PSRC1: variants seen among roughly 807,000 people sequenced by gnomAD.
The protein encoded by PSRC1 is proline/serine-rich coiled-coil protein 1.
PSRC1 carries 30 observed loss-of-function variants against 31.9 expected under a neutral mutation model. That is an observed-to-expected ratio of 0.94 (90% CI 0.70 to 1.28). The LOEUF (loss-of-function observed/expected upper bound fraction) is 1.28, where lower values mean the gene tolerates loss of function less well. Ranked by LOEUF, PSRC1 falls within the 50% of genes most tolerant of loss-of-function variation. The probability of loss-of-function intolerance (pLI) is 0.00; values close to 1 mark genes in which losing one functional copy is unlikely to be tolerated. For missense variants in PSRC1, 481 were observed against 472.8 expected, an observed-to-expected ratio of 1.02 and a Z score of -0.16; for synonymous variants, 191 against 192.1, an observed-to-expected ratio of 0.99 and a Z score of 0.05.
chr1:109,282,810 AGGGTC>A (rs1380677712), intron 1 of PSRC1, 74 bp from the exon 2 acceptor site: 17 of 1,456,970 alleles, frequency 1.2e-5, no homozygotes, highest in Non-Finnish European at 1.6e-5. Flanking sequence ...GGTGCAAGCC[AGGGTC>A]GGGGGTCATG....
In PSRC1 at chr1:109,281,260, C is replaced by A. The variant is rs917021038; in HGVS notation, c.520-9G>T. 11 of 1,563,380 alleles carry A rather than the reference C, an allele frequency of 7.0e-6. No homozygotes were observed. The highest frequency in any genetic ancestry group is 8.7e-6 in the Non-Finnish European group (10 of 1,152,522). The stretch of plus-strand genomic sequence containing the variant: ...TTGCAAGTGGGTGACTCCTGAAACA[C>A]AAAGAGAGAGAGAAAAAAGACTAGA... On this transcript the variant is annotated splice_polypyrimidine_tract_variant and intron_variant, in intron 4 of 6. Coordinates refer to ENST00000409138, the Ensembl canonical transcript of PSRC1.
chr1:109,281,128 TCTC>T lies in PSRC1; in HGVS notation c.640_642del (p.Glu214del). ...CTCACCCGCAACTTGGCTGCTCTGGTCTCCTCACTGGCTGCTGCTCTCCCACTG... is the reference window on the plus strand; with the variant it reads ...CTCACCCGCAACTTGGCTGCTCTGGTCTCACTGGCTGCTGCTCTCCCACTG... On this transcript the variant is annotated inframe_deletion, in exon 5 of 7. Coordinates refer to ENST00000409138, the Ensembl canonical transcript of PSRC1. 6.2e-7 allele frequency: 1 copy of T among 1,613,294 alleles called. No individual in the cohort carries two copies. Among genetic ancestry groups the T allele is most frequent in the Non-Finnish European group, 8.5e-7 (1 of 1,179,880 alleles).
exon 7 of PSRC1, chr1:109,280,027 G>T (rs1656782594): frequency 1.6e-6 from 2 of 1,230,544 alleles, no homozygotes; most frequent in Non-Finnish European, 2.4e-6. Flanking sequence ...GACCAGCCCT[G>T]GTGGCATCTC....
intron 3 of PSRC1, 168 bp from the exon 4 acceptor site, chr1:109,282,228 A>C (rs945488062): frequency 1.6e-4 from 107 of 651,424 alleles, no homozygotes; most frequent in Middle Eastern, 5.9e-4. Context: ...ACCTGGTTCT[A>C]TGGGGCCTAA....
Position 109,281,198 on chromosome 1 carries a change from A to T in PSRC1, c.573T>A (p.Pro191=), listed in dbSNP as rs778681206. ...GGACTGGGGGAGTCGATCGGGTAAGAGGAGAAGATGCTGGGCTTTTGGATG... is the reference window on the plus strand; with the variant it reads ...GGACTGGGGGAGTCGATCGGGTAAGTGGAGAAGATGCTGGGCTTTTGGATG... Residue 191 remains proline, a synonymous_variant, in exon 5 of 7, where the codon CCT becomes CCA. Transcript: ENST00000409138. 5 of 1,613,188 alleles carry T rather than the reference A, an allele frequency of 3.1e-6. No homozygotes were observed. The South Asian group carries it at 5.5e-5, about 18-fold the overall frequency.
In PSRC1 at chr1:109,280,147, A is replaced by G. The variant is rs746799674; in HGVS notation, c.*6T>C. The G allele has an allele frequency of 1.9e-6, 3 of 1,613,932 alleles. No individual in the cohort carries two copies. The East Asian group carries it at 6.7e-5, about 36-fold the overall frequency. On this transcript the variant is annotated 3_prime_UTR_variant, in exon 7 of 7. Coordinates refer to ENST00000409138, the Ensembl canonical transcript of PSRC1. ...TACTGAAGTCTTGCTTGCTGTCCTGATCTCTTTACCTAAAGAAATAGAAGG... is the reference window on the plus strand; with the variant it reads ...TACTGAAGTCTTGCTTGCTGTCCTGGTCTCTTTACCTAAAGAAATAGAAGG...
At chr1:109,282,099 A>T in intron 3 of PSRC1, 39 bp from the exon 4 acceptor site, 3 of 1,444,834 alleles carry the variant, frequency 2.1e-6, no homozygotes, top group Non-Finnish European at 2.8e-6. Flanking sequence ...GCCCATGCAA[A>T]AGGGAACAGG....
chr1:109,281,077 T>A (rs1657011608), exon 5 of PSRC1: 1 of 1,613,152 alleles, frequency 6.2e-7, no homozygotes, highest in Non-Finnish European at 8.5e-7. Flanking sequence ...AATTTCAGGG[T>A]CAATCCCACA....
chr1:109,280,561 A>C, intron 5 of PSRC1, 72 bp from the exon 7 acceptor site: 1 of 1,300,646 alleles, frequency 7.7e-7, no homozygotes, highest in Non-Finnish European at 1.1e-6. Context: ...TACTGGATGA[A>C]GGGAGCGAGT....
intron 6 of PSRC1, 34 bp downstream of exon 7, chr1:109,280,362 G>A (rs766837321): frequency 6.5e-7 from 1 of 1,547,998 alleles, no homozygotes; most frequent in East Asian, 2.3e-5. Flanking sequence ...GGCGGGGTAG[G>A]GAGACAGGAT....
exon 5 of PSRC1, chr1:109,280,968 C>G (rs1260162191): frequency 1.9e-6 from 3 of 1,612,588 alleles, no homozygotes; most frequent in African/African-American, 1.3e-5. Context: ...AGCAGCTGCT[C>G]CCTGCGGCCG....
exon 7 of PSRC1, chr1:109,280,145 T>C: frequency 6.2e-7 from 1 of 1,614,178 alleles, no homozygotes; most frequent in Non-Finnish European, 8.5e-7. Context: ...CTTGCTGTCC[T>C]GATCTCTTTA....
chr1:109,282,703 AGC>A (rs1269957628), exon 2 of PSRC1: 1 of 1,552,356 alleles, frequency 6.4e-7, no homozygotes, highest in Non-Finnish European at 8.7e-7. Flanking sequence ...CTCCATGTCC[AGC>A]CAGCAGGAGC....
At chr1:109,281,491 TC>T (rs752925213) in intron 4 of PSRC1, 127 bp downstream of exon 4, 7 of 933,534 alleles carry the variant, frequency 7.5e-6, no homozygotes, top group Non-Finnish European at 1.1e-5. Flanking sequence ...TTTTCATGGT[TC>T]TCATTTAATT....
chr1:109,280,853 C>A (rs780411346), exon 5 of PSRC1: 4 of 1,613,086 alleles, frequency 2.5e-6, no homozygotes, highest in Non-Finnish European at 2.5e-6. Flanking sequence ...ACAGAGAATC[C>A]GGAGGTAGGG....
chr1:109,280,182 T>C (rs1656810174), intron 6 of PSRC1, 26 bp from the exon 8 acceptor site: 2 of 1,613,566 alleles, frequency 1.2e-6, no homozygotes, highest in Non-Finnish European at 1.7e-6. Context: ...GAATAACTGC[T>C]TTAAAATGCC....
chr1:109,280,380 G>T lies in PSRC1; in HGVS notation c.1088+16C>A, dbSNP rs372343697. The T allele has an allele frequency of 1.0e-5, 16 of 1,592,570 alleles. No homozygotes were observed. The highest frequency in any genetic ancestry group is 1.4e-5 in the Non-Finnish European group (16 of 1,164,284). On this transcript the variant is annotated intron_variant, in intron 6 of 6. Coordinates refer to ENST00000409138, the Ensembl canonical transcript of PSRC1. The stretch of plus-strand genomic sequence containing the variant: ...GGGGTAGGGAGACAGGATGGGCAAG[G>T]GAGGACCAGACTGACCTGGTAGGTC...
chr1:109,282,411 C>T (rs975360672), intron 3 of PSRC1, 107 bp downstream of exon 3: 14 of 1,054,086 alleles, frequency 1.3e-5, no homozygotes, highest in African/African-American at 6.3e-5. Context: ...GCCCCAAGTG[C>T]GCCAAACCTT....
chr1:109,280,199 C>A, intron 6 of PSRC1, 43 bp from the exon 8 acceptor site: 1 of 1,608,510 alleles, frequency 6.2e-7, no homozygotes, highest in Admixed American at 1.7e-5. Context: ...TGCCCTTCTT[C>A]CTCAAGCCCA....
Sources: allele counts gnomAD v4.1 joint callset, GRCh38; gene constraint gnomAD v4.1.1; transcripts MANE v1.5; gene names NCBI Gene and HGNC (gene_info 2026-07-23, HGNC 2026-07-21).